Variants in NETO1 observed in about 807,000 individuals in gnomAD.
NETO1 encodes neuropilin and tolloid-like protein 1.
NETO1 carries 26 observed loss-of-function variants against 61.3 expected under a neutral mutation model. The observed-to-expected ratio is 0.42, with a 90% CI of 0.31 to 0.59. The LOEUF is 0.59. Among genes scored for constraint, NETO1 ranks in the 20% least tolerant of loss-of-function variants. The pLI is 0.12. For missense variants in NETO1, 531 were observed against 662.8 expected (o/e 0.80, Z 2.18); for synonymous variants, 225 against 225.8 (o/e 1.00, Z 0.03).
intron 7 of NETO1, among the ~76,000 whole-genome samples, chr18:72,777,782 G>C (rs189410489): frequency 1.1e-4 from 17 of 152,148 alleles, no homozygotes; most frequent in Non-Finnish European, 2.5e-4. Context: ...TTTTATCTTC[G>C]TGTTCTATCC....
chr18:72,867,494 G>T lies in NETO1; in HGVS notation c.-203C>A. The T allele has an allele frequency of 2.5e-6, 1 of 395,852 alleles. No individual in the cohort carries two copies. The highest frequency in any genetic ancestry group is 4.5e-6 in the Non-Finnish European group (1 of 223,858). The allele number at this position is 395,852 out of a possible 1,614,324, so 24.5% of individuals were successfully genotyped here. Reference sequence around the variant, plus strand: ...CCAGATCCGGATGAGTCCGTCCTCCGCCCCGGGCGGGCTCTCGCTCTCGCT... The same window carrying T: ...CCAGATCCGGATGAGTCCGTCCTCCTCCCCGGGCGGGCTCTCGCTCTCGCT... On this transcript the variant is annotated 5_prime_UTR_variant, in exon 1 of 11. Transcript: ENST00000327305.
chr18:72,795,371 G>A (rs1024029222), intron 4 of NETO1, among the ~76,000 whole-genome samples: 8 of 152,162 alleles, frequency 5.3e-5, no homozygotes, highest in Admixed American at 5.2e-4. Context: ...AATGTTGAAG[G>A]TGTTAATATA....
chr18:72,816,157 AT>A (rs1419314440), intron 4 of NETO1, among the ~76,000 whole-genome samples: 3 of 151,866 alleles, frequency 2.0e-5, no homozygotes, highest in South Asian at 2.1e-4. Context: ...ACAAAGATGA[AT>A]TTCAGAGTGC....
At chr18:72,749,383 C>T (rs2070515669) in intron 9 of NETO1, among the ~76,000 whole-genome samples, 1 of 151,964 alleles carries the variant, frequency 6.6e-6, no homozygotes, top group Admixed American at 6.6e-5. Context: ...AATGTTTTTT[C>T]TCAAAACTTT....
intron 4 of NETO1, among the ~76,000 whole-genome samples, chr18:72,814,440 ATAG>A (rs575476907): frequency 0.023 from 3,489 of 152,160 alleles, 140 homozygotes; most frequent in African/African-American, 0.08. Context: ...TGAGGAAATT[ATAG>A]TAAGAAGAAG....
chr18:72,774,624 T>C (rs1015501633), intron 7 of NETO1, among the ~76,000 whole-genome samples: 4 of 152,238 alleles, frequency 2.6e-5, no homozygotes, highest in African/African-American at 9.6e-5. Context: ...ATTGGATGAA[T>C]TCTTTATCGC....
intron 4 of NETO1, among the ~76,000 whole-genome samples, chr18:72,844,327 C>T (rs114352764): frequency 2.6e-5 from 4 of 152,262 alleles, no homozygotes; most frequent in South Asian, 2.1e-4. Flanking sequence ...GTATTTTAAT[C>T]GTCTTATTTT....
chr18:72,755,056 T>A (rs563711789), intron 8 of NETO1, among the ~76,000 whole-genome samples: 1 of 152,202 alleles, frequency 6.6e-6, no homozygotes, highest in Non-Finnish European at 1.5e-5. Flanking sequence ...AAATATGGAC[T>A]TTCATAATGC....
At position 72,762,754 on chromosome 18, in the gene NETO1, C is replaced by A. The variant is rs534795731; in HGVS notation, c.869-6607G>T. Among the ~76,000 whole-genome samples, 455 of 152,256 alleles carry A rather than the reference C, an allele frequency of 3.0e-3. 4 individuals are homozygous for A. The highest frequency in any genetic ancestry group is 5.4e-3 in the Non-Finnish European group (368 of 68,016). On this transcript the variant is annotated intron_variant, in intron 7 of 10. Coordinates refer to ENST00000327305, the MANE Select transcript of NETO1 (RefSeq NM_138966.5). Reference sequence around the variant, plus strand: ...CTTACATCAGACTTCAGTGAAGGAGCTTTTGACTCCCTCATGGGGATGATT... The same window carrying A: ...CTTACATCAGACTTCAGTGAAGGAGATTTTGACTCCCTCATGGGGATGATT...
chr18:72,808,706 A>G (rs2072764467), intron 4 of NETO1, among the ~76,000 whole-genome samples: 1 of 152,222 alleles, frequency 6.6e-6, no homozygotes. Flanking sequence ...CGGAGCTTCA[A>G]GACAAGACCT....
chr18:72,749,865 T>C (rs2070533555), intron 9 of NETO1, among the ~76,000 whole-genome samples, 197 bp downstream of exon 9: 1 of 152,114 alleles, frequency 6.6e-6, no homozygotes, highest in Non-Finnish European at 1.5e-5. Flanking sequence ...CACATACATA[T>C]CGTGCACATG....
chr18:72,834,205 G>A (rs891439111), intron 4 of NETO1: 7 of 598,710 alleles, frequency 1.2e-5, no homozygotes, highest in African/African-American at 2.0e-5. Context: ...GCATATTAGT[G>A]TACTGTAAAA....
intron 7 of NETO1, among the ~76,000 whole-genome samples, chr18:72,780,188 T>C (rs776971127): frequency 5.3e-5 from 8 of 152,206 alleles, no homozygotes; most frequent in Non-Finnish European, 1.2e-4. Context: ...GGAAACTTCC[T>C]GTAAATTTAT....
chr18:72,817,211 T>A (rs1211915708), intron 4 of NETO1, among the ~76,000 whole-genome samples: 2 of 152,210 alleles, frequency 1.3e-5, no homozygotes, highest in African/African-American at 4.8e-5. Flanking sequence ...TGCTACCTTC[T>A]GAAACATTCA....
chr18:72,763,249 T>G (rs2071039901), intron 7 of NETO1, among the ~76,000 whole-genome samples: 2 of 152,076 alleles, frequency 1.3e-5, no homozygotes, highest in Non-Finnish European at 2.9e-5. Flanking sequence ...TGATTTATGG[T>G]TAATAAAACT....
At chr18:72,789,925 T>C (rs1568202062) in intron 6 of NETO1, among the ~76,000 whole-genome samples, 1 of 152,242 alleles carries the variant, frequency 6.6e-6, no homozygotes, top group Admixed American at 6.5e-5. Flanking sequence ...GGCACATTTA[T>C]CATATTCACA....
chr18:72,743,402 A>AG (rs2070371163), downstream of NETO1, among the ~76,000 whole-genome samples: 1 of 152,194 alleles, frequency 6.6e-6, no homozygotes, highest in Non-Finnish European at 1.5e-5. Flanking sequence ...CTATATTCTC[A>AG]GGTTTCTGCT....
chr18:72,814,722 A>G (rs936268003), intron 4 of NETO1, among the ~76,000 whole-genome samples: 2 of 152,056 alleles, frequency 1.3e-5, no homozygotes, highest in South Asian at 4.1e-4. Flanking sequence ...AATTATAGGA[A>G]TAAAGAAAAA....
chr18:72,849,812 G>A (rs909193076), intron 4 of NETO1, among the ~76,000 whole-genome samples: 1 of 152,160 alleles, frequency 6.6e-6, no homozygotes, highest in African/African-American at 2.4e-5. Context: ...TTCCTTGGAG[G>A]CTGCAGGAGA....
Sources: gnomAD v4.1 joint callset for allele counts (sites outside exome capture counted in the v4.1 genomes callset) on GRCh38, gnomAD v4.1.1 for gene constraint, MANE v1.5 for transcripts, NCBI Gene and HGNC (gene_info 2026-07-23, HGNC 2026-07-21) for gene names.